The following ENTREP2 variants were observed in gnomAD, a reference collection of about 807,000 sequenced individuals.
The protein encoded by ENTREP2 is protein ENTREP2.
the ENTREP2 span, among the ~76,000 whole-genome samples, chr15:29,131,023 T>A: frequency 2.0e-5 from 3 of 152,194 alleles, no homozygotes; most frequent in South Asian, 6.2e-4. Context: ...AGATGTGCTA[T>A]TCTGAACAGT....
chr15:29,641,065 G>C, the ENTREP2 span, among the ~76,000 whole-genome samples: 2 of 152,014 alleles, frequency 1.3e-5, no homozygotes, highest in African/African-American at 2.4e-5. Flanking sequence ...TACAATAAAG[G>C]AAAAAACACA....
the ENTREP2 span, among the ~76,000 whole-genome samples, chr15:29,124,217 G>T: frequency 5.6e-4 from 86 of 152,320 alleles, no homozygotes; most frequent in East Asian, 0.016. Context: ...CCCACAGGCT[G>T]GACACTGGGC....
At chr15:29,631,642 C>T in the ENTREP2 span, among the ~76,000 whole-genome samples, 1 of 152,252 alleles carries the variant, frequency 6.6e-6, no homozygotes, top group Non-Finnish European at 1.5e-5. Context: ...CTGTCTGCGC[C>T]AGACCTTCTA....
chr15:29,364,204 G>A, the ENTREP2 span, among the ~76,000 whole-genome samples: 2 of 152,184 alleles, frequency 1.3e-5, 1 homozygote, highest in South Asian at 4.1e-4. Context: ...AGCTGCAGAG[G>A]GGAATGGATT....
chr15:29,648,339 G>T, the ENTREP2 span, among the ~76,000 whole-genome samples: 2 of 152,140 alleles, frequency 1.3e-5, no homozygotes, highest in African/African-American at 4.8e-5. Flanking sequence ...AACTCCATGG[G>T]TTGCCCAGGC....
At chr15:29,386,527 T>C in the ENTREP2 span, among the ~76,000 whole-genome samples, 2 of 152,184 alleles carry the variant, frequency 1.3e-5, no homozygotes, top group African/African-American at 4.8e-5. Flanking sequence ...TAAGTGAGTG[T>C]TGTGTCAAGC....
the ENTREP2 span, among the ~76,000 whole-genome samples, chr15:29,407,679 G>C: frequency 6.8e-6 from 1 of 147,826 alleles, no homozygotes; most frequent in Admixed American, 6.8e-5. Context: ...CATTTTTTTG[G>C]GTTGGGGGGA....
chr15:29,280,732 G>A, the ENTREP2 span, among the ~76,000 whole-genome samples: 4 of 152,184 alleles, frequency 2.6e-5, no homozygotes, highest in Non-Finnish European at 5.9e-5. Flanking sequence ...TCCAGCAGCC[G>A]GGGAACCGCC....
the ENTREP2 span, among the ~76,000 whole-genome samples, chr15:29,304,021 C>T: frequency 3.3e-5 from 5 of 152,064 alleles, no homozygotes; most frequent in Non-Finnish European, 7.4e-5. Flanking sequence ...GCTGGGACTA[C>T]AGACAGCTGC....
chr15:29,490,830 G>C, the ENTREP2 span, among the ~76,000 whole-genome samples: 1 of 152,242 alleles, frequency 6.6e-6, no homozygotes, highest in Admixed American at 6.5e-5. Flanking sequence ...CCCGTGCCAG[G>C]GCCGAAGGGG....
At chr15:29,284,767 C>T in the ENTREP2 span, among the ~76,000 whole-genome samples, 1 of 152,100 alleles carries the variant, frequency 6.6e-6, no homozygotes, top group Non-Finnish European at 1.5e-5. Context: ...TCTGTGAATA[C>T]TCCAGGATAC....
chr15:29,273,228 G>A, the ENTREP2 span, among the ~76,000 whole-genome samples: 2 of 135,478 alleles, frequency 1.5e-5, no homozygotes, highest in Admixed American at 7.6e-5. Flanking sequence ...AGATGGAGTT[G>A]CGCTCTGTCG....
the ENTREP2 span, among the ~76,000 whole-genome samples, chr15:29,167,727 A>C: frequency 6.6e-6 from 1 of 152,224 alleles, no homozygotes; most frequent in Non-Finnish European, 1.5e-5. Context: ...TGGGAATGTA[A>C]ACTCGTGCAG....
At chr15:29,413,253 A>T in the ENTREP2 span, among the ~76,000 whole-genome samples, 114,373 of 152,060 alleles carry the variant, frequency 0.75, 44,153 homozygotes, top group African/African-American at 0.92. Context: ...TGCAGAATTC[A>T]GTATATGTAA....
At chr15:29,549,112 C>T in the ENTREP2 span, among the ~76,000 whole-genome samples, 1 of 152,134 alleles carries the variant, frequency 6.6e-6, no homozygotes, top group Non-Finnish European at 1.5e-5. Flanking sequence ...GTCTCTCTAC[C>T]TCACTTCTGT....
chr15:29,285,711 T>C, the ENTREP2 span, among the ~76,000 whole-genome samples: 1 of 152,182 alleles, frequency 6.6e-6, no homozygotes, highest in Non-Finnish European at 1.5e-5. Context: ...TTGTGTCTTA[T>C]GAAGGAAGTT....
chr15:29,131,608 C>A, the ENTREP2 span, among the ~76,000 whole-genome samples: 1 of 35,846 alleles, frequency 2.8e-5, no homozygotes, highest in African/African-American at 9.3e-5. Flanking sequence ...CTTCACACAC[C>A]CCAGCCCGAC....
At chr15:29,327,857 AT>A in the ENTREP2 span, among the ~76,000 whole-genome samples, 4 of 152,234 alleles carry the variant, frequency 2.6e-5, no homozygotes, top group African/African-American at 9.6e-5. Context: ...GCTTATAGGA[AT>A]GTAAAACAGC....
At chr15:29,605,527 T>C in the ENTREP2 span, among the ~76,000 whole-genome samples, 1 of 152,228 alleles carries the variant, frequency 6.6e-6, no homozygotes, top group Non-Finnish European at 1.5e-5. Flanking sequence ...TTAAAAGTCA[T>C]TTTATTTTAA....
Sources: allele counts gnomAD v4.1 joint callset (sites outside exome capture counted in the v4.1 genomes callset), GRCh38; gene constraint gnomAD v4.1.1; transcripts MANE v1.5; gene names NCBI Gene and HGNC (gene_info 2026-07-23, HGNC 2026-07-21).